Variants in GRIK4 observed in about 807,000 individuals in gnomAD.
GRIK4 encodes glutamate receptor ionotropic, kainate 4.
Under a neutral mutation model 104.9 loss-of-function variants are expected in GRIK4, and 40 were observed. The ratio of observed to expected loss-of-function variants is 0.38; its 90% CI spans 0.30 to 0.50. The LOEUF (loss-of-function observed/expected upper bound fraction) is 0.50. GRIK4 is among the 20% of genes least tolerant of loss of function. The probability of loss-of-function intolerance (pLI) is 0.93; values close to 1 mark genes in which losing one functional copy is unlikely to be tolerated. For missense variants in GRIK4, 1,047 were observed against 1,308.1 expected (o/e 0.80, Z 3.08); for synonymous variants, 485 against 524.9 (o/e 0.92, Z 1.04).
intron 1 of GRIK4, among the ~76,000 whole-genome samples, chr11:120,528,042 C>T (rs1591675394): frequency 6.6e-6 from 1 of 152,272 alleles, no homozygotes; most frequent in Non-Finnish European, 1.5e-5. Flanking sequence ...GGGCTCACTG[C>T]AGCCTCGATC....
chr11:120,573,470 C>T (rs4561221), intron 1 of GRIK4, among the ~76,000 whole-genome samples: 48,251 of 151,950 alleles, frequency 0.32, 9,661 homozygotes, highest in Non-Finnish European at 0.45. Flanking sequence ...TGATCACCCC[C>T]GCCACTGCTG....
Position 120,792,151 on chromosome 11 carries a change from T to G in GRIK4, c.83-10542T>G, listed in dbSNP as rs1222293146. Among the ~76,000 whole-genome samples, 2 of 152,140 alleles carry G rather than the reference T, an allele frequency of 1.3e-5. 1 individual carries two copies. Among genetic ancestry groups the G allele is most frequent in the African/African-American group, 4.8e-5 (2 of 41,408 alleles). On this transcript the variant is annotated intron_variant, in intron 3 of 20. Coordinates refer to ENST00000527524, the MANE Select transcript of GRIK4 (RefSeq NM_014619.5). ...AGGGAAGGCTTCCTGAAGGAGGGGA[T>G]GTCTGAGCCGAGATAGTCAGTGAGC...
chr11:120,530,544 G>A (rs1211680875), intron 1 of GRIK4, among the ~76,000 whole-genome samples: 1 of 152,184 alleles, frequency 6.6e-6, no homozygotes, highest in African/African-American at 2.4e-5. Flanking sequence ...TGGGTGAATA[G>A]CTTTCAAATA....
chr11:120,760,487 T>G (rs1459157231), intron 3 of GRIK4, among the ~76,000 whole-genome samples: 4 of 151,566 alleles, frequency 2.6e-5, no homozygotes, highest in Non-Finnish European at 5.9e-5. Flanking sequence ...GGGATACATG[T>G]GCAGAACGTG....
At chr11:120,884,840 G>C (rs1955072365) in intron 11 of GRIK4, among the ~76,000 whole-genome samples, 1 of 152,256 alleles carries the variant, frequency 6.6e-6, no homozygotes, top group Non-Finnish European at 1.5e-5. Flanking sequence ...TTCCAGCTAG[G>C]GGCAGAGCCG....
At chr11:120,722,084 G>A (rs2135377294) in intron 3 of GRIK4, among the ~76,000 whole-genome samples, 1 of 152,296 alleles carries the variant, frequency 6.6e-6, no homozygotes, top group South Asian at 2.1e-4. Context: ...GTCCAGTGTA[G>A]CAGGCAAGCT....
intron 14 of GRIK4, among the ~76,000 whole-genome samples, chr11:120,948,782 T>C (rs1192139829): frequency 6.6e-6 from 1 of 152,176 alleles, no homozygotes; most frequent in Non-Finnish European, 1.5e-5. Flanking sequence ...CACTCCCCCT[T>C]CACTCACGGC....
intron 1 of GRIK4, among the ~76,000 whole-genome samples, chr11:120,589,607 G>C (rs189209058): frequency 3.9e-5 from 6 of 152,110 alleles, no homozygotes; most frequent in African/African-American, 1.4e-4. Context: ...TTCAGCCAGC[G>C]GCCACCGTTT....
At chr11:120,535,470 C>T (rs887928472) in intron 1 of GRIK4, among the ~76,000 whole-genome samples, 4 of 151,982 alleles carry the variant, frequency 2.6e-5, no homozygotes, top group African/African-American at 9.7e-5. Context: ...CACCCAGGAT[C>T]CTGGAGCAGT....
At chr11:120,638,769 G>A (rs1338491348) in intron 1 of GRIK4, among the ~76,000 whole-genome samples, 8 of 151,664 alleles carry the variant, frequency 5.3e-5, no homozygotes, top group Admixed American at 3.9e-4. Context: ...GAGCCACCGC[G>A]CCTGGCCCAG....
At chr11:120,969,409 T>C (rs1271659004) in intron 19 of GRIK4, among the ~76,000 whole-genome samples, 1 of 151,910 alleles carries the variant, frequency 6.6e-6, no homozygotes, top group African/African-American at 2.4e-5. Flanking sequence ...ACCTTGAAGA[T>C]GGATGTGGGG....
intron 12 of GRIK4, among the ~76,000 whole-genome samples, chr11:120,900,883 G>A (rs1229890028): frequency 6.6e-6 from 1 of 152,174 alleles, no homozygotes; most frequent in African/African-American, 2.4e-5. Flanking sequence ...TCGCTGTCCA[G>A]CAGAGAGCTG....
At chr11:120,514,976 T>C in intron 1 of GRIK4, 1 of 456,730 alleles carries the variant, frequency 2.2e-6, no homozygotes. Flanking sequence ...TGTGCCTGTC[T>C]TCTTACAGAG....
At chr11:120,567,541 TGTTA>T (rs756000494) in intron 1 of GRIK4, among the ~76,000 whole-genome samples, 1 of 152,102 alleles carries the variant, frequency 6.6e-6, no homozygotes, top group East Asian at 1.9e-4. Flanking sequence ...GGGGATTTCG[TGTTA>T]GTTAGCAGAG....
intron 19 of GRIK4, among the ~76,000 whole-genome samples, chr11:120,973,330 G>A (rs1273084315): frequency 6.6e-6 from 1 of 152,124 alleles, no homozygotes; most frequent in East Asian, 1.9e-4. Context: ...CAGGAAAGAT[G>A]GAAAGAAGTG....
chr11:120,603,444 CGTT>C (rs1011984689), intron 1 of GRIK4, among the ~76,000 whole-genome samples: 11 of 152,288 alleles, frequency 7.2e-5, no homozygotes, highest in African/African-American at 2.6e-4. Flanking sequence ...TTCTGCAGTT[CGTT>C]GTTTATTTTT....
At position 120,715,823 on chromosome 11, in the gene GRIK4, T is replaced by G. The variant is rs532150515; in HGVS notation, c.82+55423T>G. On this transcript the variant is annotated intron_variant, in intron 3 of 20. Coordinates refer to ENST00000527524, the MANE Select transcript of GRIK4 (RefSeq NM_014619.5). The stretch of plus-strand genomic sequence containing the variant: ...ACTTTTGAGATAGAACTGGGGAGAC[T>G]GAAGCAGAAAATAGGACGCAGCCTC... Among the ~76,000 whole-genome samples the G allele has an allele frequency of 2.6e-5, 4 of 152,280 alleles. No homozygotes were observed. In the East Asian group the frequency reaches 7.7e-4, roughly 29 times the overall value.
At chr11:120,727,141 G>A (rs1395533457) in intron 3 of GRIK4, among the ~76,000 whole-genome samples, 3 of 152,146 alleles carry the variant, frequency 2.0e-5, no homozygotes, top group African/African-American at 7.2e-5. Flanking sequence ...GGAGGGGTTT[G>A]GCCCACTTCA....
chr11:120,912,009 G>A (rs371730313), intron 13 of GRIK4, among the ~76,000 whole-genome samples: 11 of 152,214 alleles, frequency 7.2e-5, no homozygotes, highest in South Asian at 2.1e-4. Flanking sequence ...TTTTAAATGC[G>A]TATATGTTTT....
Sources: allele counts gnomAD v4.1 joint callset (sites outside exome capture counted in the v4.1 genomes callset), GRCh38; gene constraint gnomAD v4.1.1; transcripts MANE v1.5; gene names NCBI Gene and HGNC (gene_info 2026-07-23, HGNC 2026-07-21).